The following MPP7 variants were observed in gnomAD, a reference collection of about 807,000 sequenced individuals.
MPP7 encodes the protein MAGUK p55 subfamily member 7.
Under a neutral mutation model 76.5 loss-of-function variants are expected in MPP7, and 60 were observed. That is an observed-to-expected ratio of 0.78 (90% confidence interval 0.64 to 0.97). The LOEUF is 0.97. MPP7 is among the 50% of genes least tolerant of loss of function. The probability of loss-of-function intolerance (pLI) is 0.00; values close to 1 mark genes in which losing one functional copy is unlikely to be tolerated. For synonymous variants in MPP7, 237 were observed against 244.5 expected, an observed-to-expected ratio of 0.97 and a Z score of 0.29; for missense variants, 641 against 694.0, an observed-to-expected ratio of 0.92 and a Z score of 0.86.
chr10:28,150,020 C>T lies in MPP7; in HGVS notation c.196G>A (p.Val66Met). The T allele has an allele frequency of 1.2e-6, 2 of 1,613,706 alleles. No homozygotes were observed. Among genetic ancestry groups the T allele is most frequent in the East Asian group, 2.2e-5 (1 of 44,856 alleles). Reference protein sequence around the residue: ...KLHYYEKQSPVPILHGAAALA... With the variant: ...KLHYYEKQSPMPILHGAAALA... ...GCCGCCGCACCATGGAGAATGGGCA[C>T]CGGACTCTGCTTCTCATAGTAGTGT... Residue 66 changes from valine (V) to methionine (M), a missense_variant, in exon 4 of 17, where the codon GTG becomes ATG. Val to Met is a conservative substitution (Grantham distance 21). Coordinates refer to ENST00000683449, the MANE Select transcript of MPP7 (RefSeq NM_001318170.2).
At chr10:28,060,622 C>T (rs941938465) in intron 13 of MPP7, among the ~76,000 whole-genome samples, 2 of 152,206 alleles carry the variant, frequency 1.3e-5, no homozygotes, top group African/African-American at 4.8e-5. Flanking sequence ...ATGGTAGAAT[C>T]TGCAGCAAAA....
chr10:28,142,351 A>G (rs1835549297), intron 5 of MPP7, among the ~76,000 whole-genome samples: 1 of 152,328 alleles, frequency 6.6e-6, no homozygotes, highest in South Asian at 2.1e-4. Flanking sequence ...GTACTCAATG[A>G]AAGCCTGCTA....
rs61842988 is a variant in MPP7 at position 28,132,469 on chromosome 10, T to C, written c.316-778A>G. On this transcript the variant is annotated intron_variant, in intron 5 of 16. Coordinates refer to ENST00000683449, the MANE Select transcript of MPP7 (RefSeq NM_001318170.2). Reference sequence around the variant, plus strand: ...TTTTAGACACAAGGTCTTGCTCTGTTACGCTGGCTGGAGTTCAGCGGTGGG... The same window carrying C: ...TTTTAGACACAAGGTCTTGCTCTGTCACGCTGGCTGGAGTTCAGCGGTGGG... Among the ~76,000 whole-genome samples the C allele has an allele frequency of 4.2e-3, 640 of 152,294 alleles. 1 individual carries two copies. Among genetic ancestry groups the C allele is most frequent in the South Asian group, 9.1e-3 (44 of 4,822 alleles).
At chr10:28,154,464 GT>G (rs1835985432) in intron 3 of MPP7, among the ~76,000 whole-genome samples, 1 of 152,134 alleles carries the variant, frequency 6.6e-6, no homozygotes, top group East Asian at 1.9e-4. Context: ...CAGCCAGGGT[GT>G]TTGCAACATC....
intron 11 of MPP7, among the ~76,000 whole-genome samples, chr10:28,091,287 CTTTT>C (rs57320934): frequency 2.1e-5 from 3 of 143,736 alleles, no homozygotes; most frequent in African/African-American, 2.5e-5. Flanking sequence ...AAACAGATAA[CTTTT>C]TTTTTTTTTT....
At chr10:28,243,922 A>G (rs915044041) in intron 1 of MPP7, among the ~76,000 whole-genome samples, 5 of 152,214 alleles carry the variant, frequency 3.3e-5, no homozygotes, top group African/African-American at 1.2e-4. Flanking sequence ...AATTAAACCA[A>G]TATAACCCAC....
chr10:28,202,676 T>C (rs935152583), intron 2 of MPP7, among the ~76,000 whole-genome samples: 1 of 152,194 alleles, frequency 6.6e-6, no homozygotes, highest in Non-Finnish European at 1.5e-5. Context: ...AGAGAATTGA[T>C]AGGGTGGCCC....
intron 2 of MPP7, among the ~76,000 whole-genome samples, chr10:28,226,840 A>G (rs909363579): frequency 6.6e-6 from 1 of 152,236 alleles, no homozygotes; most frequent in Non-Finnish European, 1.5e-5. Flanking sequence ...GAAATGAAAC[A>G]CAAATATTAT....
intron 1 of MPP7, among the ~76,000 whole-genome samples, chr10:28,241,675 T>C (rs1303616282): frequency 6.6e-6 from 1 of 152,172 alleles, no homozygotes; most frequent in Non-Finnish European, 1.5e-5. Flanking sequence ...CCGAATATTC[T>C]TAAATTGAAG....
Position 28,054,394 on chromosome 10 carries a change from A to G in MPP7, c.1552-150T>C, listed in dbSNP as rs951668242. Reference sequence around the variant, plus strand: ...GAAATAAAAGTCATCCTCTTTAACCACAAGTGCTTCAGAAGCCATAATTTC... The same window carrying G: ...GAAATAAAAGTCATCCTCTTTAACCGCAAGTGCTTCAGAAGCCATAATTTC... On this transcript the variant is annotated intron_variant, in intron 16 of 16. Transcript: ENST00000683449. 1.1e-5 allele frequency: 6 copies of G among 563,246 alleles called. No homozygotes were observed. The African/African-American group carries it at 1.1e-4, about 11-fold the overall frequency. The allele number at this position is 563,246 out of a possible 1,614,324, so 34.9% of individuals were successfully genotyped here. A position where few individuals can be genotyped will look rare whatever the true frequency, so the allele number is the denominator to read the frequency against.
intron 1 of MPP7, among the ~76,000 whole-genome samples, chr10:28,286,936 A>G (rs1840802838): frequency 6.6e-6 from 1 of 152,198 alleles, no homozygotes; most frequent in South Asian, 2.1e-4. Context: ...CTGAAATAGG[A>G]AAGTTCACAT....
At chr10:28,058,330 A>C (rs1226798296) in intron 15 of MPP7, among the ~76,000 whole-genome samples, 165 bp downstream of exon 15, 1 of 152,100 alleles carries the variant, frequency 6.6e-6, no homozygotes, top group Non-Finnish European at 1.5e-5. Flanking sequence ...CTTTTTCTCC[A>C]CCAAAGATGT....
chr10:28,108,898 T>C (rs746801567), intron 11 of MPP7, among the ~76,000 whole-genome samples: 9 of 152,086 alleles, frequency 5.9e-5, no homozygotes, highest in Non-Finnish European at 1.3e-4. Context: ...CCAGTACAGA[T>C]TAGAAAGTTG....
rs573665977 is a variant in MPP7, at chr10:28,259,696, T to C, written c.-131-20961A>G. 6.6e-5 allele frequency among the ~76,000 whole-genome samples: 10 copies of C among 151,368 alleles called. No homozygotes were observed. The East Asian group carries it at 2.0e-3, about 30-fold the overall frequency. ...TAATATGCATGAAAATAAAAGCATATGGGCAGGTGCAGTGGCTCATGCCTG... is the reference window on the plus strand; with the variant it reads ...TAATATGCATGAAAATAAAAGCATACGGGCAGGTGCAGTGGCTCATGCCTG... On this transcript the variant is annotated intron_variant, in intron 1 of 16. Transcript: ENST00000683449.
At chr10:28,322,122 G>A (rs373466606) in intron 2 of MPP7, among the ~76,000 whole-genome samples, 1 of 151,982 alleles carries the variant, frequency 6.6e-6, no homozygotes, top group Non-Finnish European at 1.5e-5. Flanking sequence ...GGTGACAAAC[G>A]TTCCATTTAT....
chr10:28,182,474 A>G (rs2133911854), intron 3 of MPP7, among the ~76,000 whole-genome samples: 1 of 152,370 alleles, frequency 6.6e-6, no homozygotes, highest in South Asian at 2.1e-4. Flanking sequence ...TAAGATGTAT[A>G]TATTTATGGT....
chr10:28,099,406 T>G (rs1853711594), intron 11 of MPP7, among the ~76,000 whole-genome samples: 1 of 152,184 alleles, frequency 6.6e-6, no homozygotes, highest in Admixed American at 6.5e-5. Flanking sequence ...AAAATAAGCT[T>G]TTAATATGTT....
intron 1 of MPP7, among the ~76,000 whole-genome samples, chr10:28,279,690 G>C (rs1195923455): frequency 6.6e-6 from 1 of 150,894 alleles, no homozygotes; most frequent in East Asian, 1.9e-4. Flanking sequence ...GGGTGACAGA[G>C]CGAGACGCTG....
intron 1 of MPP7, among the ~76,000 whole-genome samples, chr10:28,296,124 T>C (rs1841030147): frequency 6.6e-6 from 1 of 152,194 alleles, no homozygotes; most frequent in South Asian, 2.1e-4. Flanking sequence ...TAAACCTGTC[T>C]TAAAATGCTT....
Sources: gnomAD v4.1 joint callset for allele counts (sites outside exome capture counted in the v4.1 genomes callset) on GRCh38, gnomAD v4.1.1 for gene constraint, MANE v1.5 for transcripts, NCBI Gene and HGNC (gene_info 2026-07-23, HGNC 2026-07-21) for gene names.